CNOT6: variants seen among roughly 807,000 people sequenced by gnomAD.
CNOT6 encodes the protein CCR4-NOT transcription complex subunit 6.
CNOT6 carries 12 observed loss-of-function variants against 61.2 expected under a neutral mutation model. The ratio of observed to expected loss-of-function variants is 0.20; its 90% CI spans 0.13 to 0.32. The LOEUF (loss-of-function observed/expected upper bound fraction) is 0.32. Ranked by LOEUF, CNOT6 falls within the 10% of genes least tolerant of loss-of-function variation. The pLI is 1.00. For synonymous variants in CNOT6, 225 were observed against 240.6 expected (o/e 0.94, Z 0.60); for missense variants, 405 against 663.9 (o/e 0.61, Z 4.28).
At chr5:180,549,333 C>T (rs1185624754) in intron 2 of CNOT6, among the ~76,000 whole-genome samples, 2 of 152,146 alleles carry the variant, frequency 1.3e-5, no homozygotes, top group Admixed American at 6.5e-5. Flanking sequence ...TCATATTTCC[C>T]TCTCATATCT....
At chr5:180,553,726 G>A (rs1457637007) in intron 4 of CNOT6, among the ~76,000 whole-genome samples, 1 of 151,994 alleles carries the variant, frequency 6.6e-6, no homozygotes, top group Non-Finnish European at 1.5e-5. Flanking sequence ...CTGTGTTCTG[G>A]TGATACATCC....
intron 1 of CNOT6, among the ~76,000 whole-genome samples, chr5:180,512,756 C>T (rs1363519062): frequency 6.6e-6 from 1 of 151,950 alleles, no homozygotes; most frequent in African/African-American, 2.4e-5. Flanking sequence ...ACCACCATGC[C>T]CGGCTAATTT....
At chr5:180,553,218 T>C (rs1024275150) in intron 3 of CNOT6, among the ~76,000 whole-genome samples, 168 bp from the exon 4 acceptor site, 9 of 150,788 alleles carry the variant, frequency 6.0e-5, no homozygotes, top group African/African-American at 2.2e-4. Flanking sequence ...CTCTGGCAGT[T>C]TTTTTTTTTA....
intron 1 of CNOT6, among the ~76,000 whole-genome samples, chr5:180,513,052 A>G (rs1757468753): frequency 6.6e-6 from 1 of 150,518 alleles, no homozygotes; most frequent in Non-Finnish European, 1.5e-5. Flanking sequence ...CCCGCCACCA[A>G]TGCCCGGATA....
chr5:180,518,759 C>A (rs1001485291), intron 1 of CNOT6, among the ~76,000 whole-genome samples: 3 of 152,228 alleles, frequency 2.0e-5, no homozygotes, highest in African/African-American at 7.2e-5. Context: ...CCTTGGCCTC[C>A]CAAAGTGCTG....
intron 1 of CNOT6, among the ~76,000 whole-genome samples, chr5:180,510,411 A>T (rs766047862): frequency 3.9e-5 from 6 of 152,146 alleles, no homozygotes; most frequent in Non-Finnish European, 5.9e-5. Flanking sequence ...GTTTGAAGTG[A>T]GAGTAGAAGT....
intron 2 of CNOT6, among the ~76,000 whole-genome samples, chr5:180,539,940 G>A (rs1758948306): frequency 6.6e-6 from 1 of 152,148 alleles, no homozygotes; most frequent in Admixed American, 6.5e-5. Context: ...ATGTGACTCA[G>A]GGTAGTTGTA....
At chr5:180,564,188 G>A (rs1164924380) in intron 4 of CNOT6, among the ~76,000 whole-genome samples, 1 of 152,094 alleles carries the variant, frequency 6.6e-6, no homozygotes, top group Admixed American at 6.6e-5. Flanking sequence ...GCTCACTCTT[G>A]TTTGTTATAA....
At chr5:180,546,377 A>G (rs1281732337) in intron 2 of CNOT6, among the ~76,000 whole-genome samples, 1 of 152,040 alleles carries the variant, frequency 6.6e-6, no homozygotes, top group Non-Finnish European at 1.5e-5. Flanking sequence ...CTTTTTTTAA[A>G]TCATTCCATT....
At chr5:180,507,139 A>C (rs2127697760) in intron 1 of CNOT6, among the ~76,000 whole-genome samples, 1 of 152,284 alleles carries the variant, frequency 6.6e-6, no homozygotes, top group African/African-American at 2.4e-5. Flanking sequence ...CGTTTCAGGC[A>C]GAAGACATGG....
chr5:180,512,579 A>G (rs1751935769), intron 1 of CNOT6, among the ~76,000 whole-genome samples: 1 of 152,190 alleles, frequency 6.6e-6, no homozygotes, highest in Non-Finnish European at 1.5e-5. Context: ...AAACATTCAA[A>G]TTTTATTACT....
intron 1 of CNOT6, among the ~76,000 whole-genome samples, chr5:180,521,546 T>G (rs1054422311): frequency 1.3e-5 from 2 of 152,176 alleles, no homozygotes; most frequent in Admixed American, 1.3e-4. Context: ...ACAGACTGAG[T>G]AATTACTTTT....
intron 2 of CNOT6, 77 bp from the exon 3 acceptor site, chr5:180,549,854 C>T: frequency 1.8e-6 from 2 of 1,128,754 alleles, no homozygotes; most frequent in East Asian, 2.4e-5. Context: ...ATAAAAACAT[C>T]TAAATCTTAC....
chr5:180,540,061 T>C (rs1758954631), intron 2 of CNOT6, among the ~76,000 whole-genome samples: 1 of 152,142 alleles, frequency 6.6e-6, no homozygotes, highest in African/African-American at 2.4e-5. Flanking sequence ...TCTTTTTCCT[T>C]CATCTTTTTT....
chr5:180,561,665 A>C (rs1760195393), intron 4 of CNOT6, among the ~76,000 whole-genome samples: 1 of 152,202 alleles, frequency 6.6e-6, no homozygotes, highest in African/African-American at 2.4e-5. Flanking sequence ...CCTTACTGCC[A>C]GTGGAGGTAG....
intron 2 of CNOT6, among the ~76,000 whole-genome samples, chr5:180,529,875 C>G (rs530248575): frequency 1.7e-4 from 26 of 152,280 alleles, no homozygotes; most frequent in Middle Eastern, 3.4e-3. Context: ...CAGCCTTATT[C>G]AGAAACACAA....
At chr5:180,545,535 T>C (rs748212405) in intron 2 of CNOT6, among the ~76,000 whole-genome samples, 35 of 152,214 alleles carry the variant, frequency 2.3e-4, no homozygotes, top group Admixed American at 1.3e-4. Flanking sequence ...CCATAGTGTT[T>C]TGTTGGTTTT....
intron 2 of CNOT6, among the ~76,000 whole-genome samples, chr5:180,532,213 A>G (rs955377146): frequency 2.0e-5 from 3 of 152,148 alleles, no homozygotes; most frequent in African/African-American, 7.2e-5. Context: ...TAATTTTTTC[A>G]GGATTGGCAT....
chr5:180,544,187 A>G (rs754541674), intron 2 of CNOT6, among the ~76,000 whole-genome samples: 45 of 152,202 alleles, frequency 3.0e-4, no homozygotes, highest in Admixed American at 5.2e-4. Context: ...CTTTTCTCTC[A>G]TTATAAAACT....
Sources: gnomAD v4.1 joint callset for allele counts (sites outside exome capture counted in the v4.1 genomes callset) on GRCh38, gnomAD v4.1.1 for gene constraint, MANE v1.5 for transcripts, NCBI Gene and HGNC (gene_info 2026-07-23, HGNC 2026-07-21) for gene names.